Variants in TMEM132B observed in about 807,000 individuals in gnomAD.
TMEM132B encodes the protein transmembrane protein 132B.
Under a neutral mutation model 90.8 loss-of-function variants are expected in TMEM132B, and 18 were observed. The observed-to-expected ratio is 0.20, with a 90% CI of 0.14 to 0.29. The LOEUF (loss-of-function observed/expected upper bound fraction) is 0.29. TMEM132B is among the 10% of genes least tolerant of loss of function. The probability of loss-of-function intolerance (pLI) is 1.00; values close to 1 mark genes in which losing one functional copy is unlikely to be tolerated. For synonymous variants in TMEM132B, 504 were observed against 523.3 expected (o/e 0.96, Z 0.50); for missense variants, 1,096 against 1,326.8 (o/e 0.83, Z 2.70).
intron 5 of TMEM132B, among the ~76,000 whole-genome samples, chr12:125,598,999 C>G (rs1885509675): frequency 6.6e-6 from 1 of 152,160 alleles, no homozygotes; most frequent in Non-Finnish European, 1.5e-5. Context: ...TGATCACAGT[C>G]ATAATCAGCT....
At position 125,606,404 on chromosome 12, in the gene TMEM132B, ATG is replaced by A. The variant is rs201410526; in HGVS notation, c.1437+22415_1437+22416del. ...TTAGTGTGATTATAGGTATGAATGT[ATG>A]TGTGAATATGTGTGCACACATGAGC... On this transcript the variant is annotated intron_variant, in intron 5 of 8. Coordinates refer to ENST00000682704, the MANE Select transcript of TMEM132B (RefSeq NM_001366854.1). Among the ~76,000 whole-genome samples the A allele has an allele frequency of 6.2e-3, 923 of 149,604 alleles. 11 individuals carry two copies. Among genetic ancestry groups the A allele is most frequent in the Middle Eastern group, 0.052 (15 of 286 alleles).
chr12:125,505,285 A>G (rs1459617383), intron 3 of TMEM132B, among the ~76,000 whole-genome samples: 2 of 151,642 alleles, frequency 1.3e-5, no homozygotes, highest in Non-Finnish European at 2.9e-5. Flanking sequence ...TTATTACATT[A>G]TAGACATTAA....
rs921098294 is a variant in TMEM132B at position 125,271,013 on chromosome 12, C to A, written c.68-78439C>A. Among the ~76,000 whole-genome samples, 4 of 151,300 alleles carry A rather than the reference C, an allele frequency of 2.6e-5. No homozygotes were observed. The East Asian group carries it at 7.8e-4, about 29-fold the overall frequency. On this transcript the variant is annotated intron_variant, in intron 1 of 8. Coordinates refer to ENST00000682704, the MANE Select transcript of TMEM132B (RefSeq NM_001366854.1). ...TCACCCAGGCTGGAGTGCAGGGGTGCAAGCCTAGCTTACTGCAGCTTCCAA... is the reference window on the plus strand; with the variant it reads ...TCACCCAGGCTGGAGTGCAGGGGTGAAAGCCTAGCTTACTGCAGCTTCCAA...
intron 2 of TMEM132B, among the ~76,000 whole-genome samples, chr12:125,388,410 C>G (rs1054624630): frequency 1.3e-5 from 2 of 152,084 alleles, no homozygotes; most frequent in African/African-American, 4.8e-5. Flanking sequence ...GCCTGGGCAA[C>G]AAGAGTGAAA....
intron 4 of TMEM132B, among the ~76,000 whole-genome samples, chr12:125,553,296 G>A (rs768282824): frequency 7.9e-5 from 12 of 152,200 alleles, no homozygotes; most frequent in African/African-American, 2.4e-4. Flanking sequence ...CCTGGTAGAC[G>A]CCAGTCCCAG....
At chr12:125,491,838 G>A (rs1882361352) in intron 3 of TMEM132B, among the ~76,000 whole-genome samples, 1 of 152,204 alleles carries the variant, frequency 6.6e-6, no homozygotes. Flanking sequence ...GTGCTCCAGA[G>A]ACTGAGGAAT....
At chr12:125,440,582 A>G (rs972100068) in intron 3 of TMEM132B, among the ~76,000 whole-genome samples, 3 of 152,180 alleles carry the variant, frequency 2.0e-5, no homozygotes, top group African/African-American at 4.8e-5. Flanking sequence ...CCCCCTGATT[A>G]AACAGTTGCT....
intron 3 of TMEM132B, among the ~76,000 whole-genome samples, chr12:125,488,061 A>G (rs1165373536): frequency 6.6e-6 from 1 of 152,218 alleles, no homozygotes; most frequent in East Asian, 1.9e-4. Flanking sequence ...TAAAGAATGA[A>G]AACAGCTTCT....
chr12:125,557,278 C>T (rs927222355), intron 4 of TMEM132B, among the ~76,000 whole-genome samples: 19 of 152,032 alleles, frequency 1.2e-4, no homozygotes, highest in African/African-American at 3.9e-4. Flanking sequence ...CATGCCGGCC[C>T]CTGGATGTAT....
At chr12:125,194,141 T>A (rs1329915845) in intron 1 of TMEM132B, among the ~76,000 whole-genome samples, 2 of 152,100 alleles carry the variant, frequency 1.3e-5, no homozygotes, top group Admixed American at 1.3e-4. Flanking sequence ...ATCAATACCC[T>A]CTCCTTATGC....
rs557013720 is a variant in TMEM132B at position 125,251,210 on chromosome 12, A to G, written c.67+64344A>G. ...ATGGAGAAGGGATTTGCTTCTCCAT[A>G]CATGGTGCATTTAGCTCAGAAAGTG... On this transcript the variant is annotated intron_variant, in intron 1 of 8. Coordinates refer to ENST00000682704, the MANE Select transcript of TMEM132B (RefSeq NM_001366854.1). The surrounding 1 kb of genome is among the most constrained non-coding windows in gnomAD (Gnocchi z 4.4). 2.6e-5 allele frequency among the ~76,000 whole-genome samples: 4 copies of G among 152,226 alleles called. No individual in the cohort carries two copies. Among genetic ancestry groups the G allele is most frequent in the Non-Finnish European group, 5.9e-5 (4 of 68,034 alleles).
At chr12:125,341,632 A>C (rs1301120201) in intron 1 of TMEM132B, among the ~76,000 whole-genome samples, 1 of 152,184 alleles carries the variant, frequency 6.6e-6, no homozygotes, top group Non-Finnish European at 1.5e-5. Context: ...GAGTATACAC[A>C]AAGCACCTAC....
Position 125,471,131 on chromosome 12 carries a change from A to G in TMEM132B, c.1107-48308A>G, listed in dbSNP as rs142356403. Among the ~76,000 whole-genome samples, 222 of 152,328 alleles carry G rather than the reference A, an allele frequency of 1.5e-3. 1 individual carries two copies. Among genetic ancestry groups the G allele is most frequent in the African/African-American group, 5.1e-3 (212 of 41,578 alleles). On this transcript the variant is annotated intron_variant, in intron 3 of 8. Transcript: ENST00000682704. The stretch of plus-strand genomic sequence containing the variant: ...CCTCTCCTGGTGTCCCATGAGCTCA[A>G]TCATTCCAGCCTGTCTGCTGCATTC...
At chr12:125,215,408 C>T (rs12830207) in intron 1 of TMEM132B, among the ~76,000 whole-genome samples, 44,349 of 152,014 alleles carry the variant, frequency 0.29, 8,037 homozygotes, top group East Asian at 0.41. Flanking sequence ...TTACTACCTT[C>T]TAGTGGGTAC....
intron 4 of TMEM132B, among the ~76,000 whole-genome samples, chr12:125,548,748 A>T (rs1426380748): frequency 6.6e-6 from 1 of 152,222 alleles, no homozygotes; most frequent in African/African-American, 2.4e-5. Flanking sequence ...AGGAGTTGAC[A>T]TGGTTTATGT....
chr12:125,597,982 G>A (rs1249498068), intron 5 of TMEM132B, among the ~76,000 whole-genome samples: 4 of 152,098 alleles, frequency 2.6e-5, no homozygotes, highest in Non-Finnish European at 5.9e-5. Context: ...TGAATCCTAA[G>A]GATTCAGAAT....
intron 1 of TMEM132B, among the ~76,000 whole-genome samples, chr12:125,328,724 G>A (rs1876667378): frequency 6.6e-6 from 1 of 152,178 alleles, no homozygotes; most frequent in Admixed American, 6.5e-5. Context: ...CTATTTCCAA[G>A]TAAGGTTCCA....
chr12:125,466,069 C>T (rs79582741), intron 3 of TMEM132B, among the ~76,000 whole-genome samples: 2,817 of 152,268 alleles, frequency 0.019, 89 homozygotes, highest in African/African-American at 0.065. Flanking sequence ...ACAAAAATGG[C>T]CTAAGACGCC....
intron 4 of TMEM132B, among the ~76,000 whole-genome samples, chr12:125,526,184 A>T (rs1447828065): frequency 6.6e-6 from 1 of 152,150 alleles, no homozygotes; most frequent in Non-Finnish European, 1.5e-5. Flanking sequence ...TGACACAGTA[A>T]AACTGCCCAC....
Sources: gnomAD v4.1 joint callset for allele counts (sites outside exome capture counted in the v4.1 genomes callset) on GRCh38, gnomAD v4.1.1 for gene constraint, Gnocchi (gnomAD v3.1) non-coding constraint, MANE v1.5 for transcripts, NCBI Gene and HGNC (gene_info 2026-07-23, HGNC 2026-07-21) for gene names.